The following PITPNM1 variants were observed in gnomAD, a reference collection of about 807,000 sequenced individuals.
PITPNM1 encodes the protein membrane-associated phosphatidylinositol transfer protein 1.
PITPNM1 carries 74 observed loss-of-function variants against 133.3 expected under a neutral mutation model. The ratio of observed to expected loss-of-function variants is 0.56; its 90% CI spans 0.46 to 0.67. The LOEUF (loss-of-function observed/expected upper bound fraction) is 0.67, where lower values mean the gene tolerates loss of function less well. PITPNM1 is among the 30% of genes least tolerant of loss of function. The pLI, the probability that PITPNM1 is intolerant of heterozygous loss-of-function variation, is 0.00. For synonymous variants in PITPNM1, 738 were observed against 741.4 expected (o/e 1.00, Z 0.08); for missense variants, 1,398 against 1,739.5 (o/e 0.80, Z 3.49).
rs1319119344 is a variant in PITPNM1 at position 67,500,526 on chromosome 11, C to T, written c.641-105G>A. The T allele has an allele frequency of 9.6e-6, 11 of 1,144,296 alleles. No individual in the cohort carries two copies. In the Admixed American group the frequency reaches 1.4e-4, roughly 15 times the overall value. 70.9% of individuals were successfully genotyped at this position (1,144,296 alleles called of 1,614,324 possible). ...GATAATGGCTCCCCTGGGGACACCA[C>T]CCACCCAGAGCCACAAAGTAGGGCA... On this transcript the variant is annotated intron_variant, in intron 5 of 23. Coordinates refer to ENST00000356404, the MANE Select transcript of PITPNM1 (RefSeq NM_004910.3).
chr11:67,505,710 G>C (rs2134345192), upstream of PITPNM1, among the ~76,000 whole-genome samples: 1 of 152,314 alleles, frequency 6.6e-6, no homozygotes, highest in East Asian at 1.9e-4. The surrounding 1 kb of genome is among the most constrained non-coding windows in gnomAD (Gnocchi z 5.8). Flanking sequence ...TGGGACCCAG[G>C]GTTGAGGAAA....
Position 67,504,898 on chromosome 11 carries a change from C to A in PITPNM1, c.-42+290G>T, listed in dbSNP as rs992409208. 3.1e-4 allele frequency: 48 copies of A among 153,030 alleles called. No homozygotes were observed. Among genetic ancestry groups the A allele is most frequent in the Non-Finnish European group, 5.4e-4 (37 of 68,720 alleles). 9.5% of individuals were successfully genotyped at this position (153,030 alleles called of 1,614,324 possible). On this transcript the variant is annotated intron_variant, in intron 1 of 23. Transcript: ENST00000356404. The surrounding 1 kb of genome is among the most constrained non-coding windows in gnomAD (Gnocchi z 5.4). ...TCCTTCCTGGACCCCTGGCCCTCGCCGGCTCTCCACGCGCCTAGGCAGCCA... is the reference window on the plus strand; with the variant it reads ...TCCTTCCTGGACCCCTGGCCCTCGCAGGCTCTCCACGCGCCTAGGCAGCCA...
intron 6 of PITPNM1, 32 bp from the exon 7 acceptor site, chr11:67,500,041 C>A: frequency 1.2e-6 from 2 of 1,608,782 alleles, no homozygotes; most frequent in Non-Finnish European, 1.7e-6. Context: ...AGCCTCAGCC[C>A]AGGAGCCCAG....
At chr11:67,494,813 AGTGGGC>A (rs1294129367) in intron 18 of PITPNM1, 27 bp downstream of exon 18, 1 of 1,407,832 alleles carries the variant, frequency 7.1e-7, no homozygotes, top group Non-Finnish European at 1.0e-6. Flanking sequence ...AGAGTGGGCG[AGTGGGC>A]GAGGGGGCGA....
At chr11:67,492,854 A>T in intron 23 of PITPNM1, 80 bp downstream of exon 23, 5 of 1,512,000 alleles carry the variant, frequency 3.3e-6, no homozygotes, top group Non-Finnish European at 4.5e-6. Flanking sequence ...TCTTCCCCAG[A>T]GTCCGTGGTT....
In PITPNM1 at chr11:67,497,510, C is replaced by T. The variant is rs1227645725; in HGVS notation, c.1940+12G>A. 12 of 1,604,272 alleles carry T rather than the reference C, an allele frequency of 7.5e-6. No homozygotes were observed. Among genetic ancestry groups the T allele is most frequent in the Non-Finnish European group, 1.0e-5 (12 of 1,176,222 alleles). On this transcript the variant is annotated intron_variant, in intron 13 of 23. Transcript: ENST00000356404. The stretch of plus-strand genomic sequence containing the variant: ...TGTGCCCAGGGTAGGGGTGATGGGG[C>T]AGGGACGTCACCTGTTCTGAGAGCC...
In PITPNM1 at chr11:67,497,665, G is replaced by C; in HGVS notation, c.1797C>G (p.Leu599=). 1 of 1,610,852 alleles carries C rather than the reference G, an allele frequency of 6.2e-7. No individual in the cohort carries two copies. Among genetic ancestry groups the C allele is most frequent in the East Asian group, 2.2e-5 (1 of 44,884 alleles). The change falls in exon 13 of 24, where the codon CTC becomes CTG. Residue 599 remains leucine (L), a synonymous_variant. Transcript: ENST00000356404. ...SRRGSMNNEL[L]SPEFGPVRDP... ...CCCGCACTGGGCCAAACTCCGGAGA[G>C]AGCAGCTCATTGTTCTGGATGGAAC...
At chr11:67,500,463 T>C in intron 5 of PITPNM1, 42 bp from the exon 6 acceptor site, 1 of 1,560,156 alleles carries the variant, frequency 6.4e-7, no homozygotes, top group Non-Finnish European at 8.7e-7. Context: ...TCCCCCTGCT[T>C]CCCTGCCACC....
chr11:67,503,953 T>A (rs1866411374), intron 2 of PITPNM1, 150 bp downstream of exon 2: 2 of 564,054 alleles, frequency 3.5e-6, no homozygotes, highest in African/African-American at 3.9e-5. Context: ...CTCCTGCCCC[T>A]CTTCCCACAG....
At chr11:67,493,893 C>A in intron 20 of PITPNM1, 29 bp downstream of exon 20, 1 of 1,527,936 alleles carries the variant, frequency 6.5e-7, no homozygotes, top group Non-Finnish European at 8.8e-7. Context: ...GCGGAGCCCT[C>A]CCGCAGAGGC....
At chr11:67,503,933 C>T in intron 2 of PITPNM1, 170 bp downstream of exon 2, 1 of 535,246 alleles carries the variant, frequency 1.9e-6, no homozygotes, top group Non-Finnish European at 3.3e-6. Context: ...ATGGGAAGCA[C>T]CACTCGGCCC....
chr11:67,493,387 G>C, intron 22 of PITPNM1, 23 bp downstream of exon 22: 1 of 1,546,622 alleles, frequency 6.5e-7, no homozygotes, highest in Admixed American at 1.9e-5. Context: ...GTCAGGACCC[G>C]GAGCCTCCCC....
chr11:67,495,270 C>G (rs749527626), intron 16 of PITPNM1, 45 bp from the exon 17 acceptor site: 2 of 1,537,808 alleles, frequency 1.3e-6, no homozygotes, highest in Non-Finnish European at 8.8e-7. Context: ...CTGCCCCACA[C>G]CCATCTGCCT....
rs2134260423 is a variant in PITPNM1 at position 67,491,794 on chromosome 11, T to TG, written c.*238dup. ...GGGGTGCAGGTGGCGTTTATTTTCATGGATTTATACACACTGGAAAAGCCT... is the reference window on the plus strand; with the variant it reads ...GGGGTGCAGGTGGCGTTTATTTTCATGGGATTTATACACACTGGAAAAGCCT... On this transcript the variant is annotated 3_prime_UTR_variant, in exon 24 of 24. Coordinates refer to ENST00000356404, the MANE Select transcript of PITPNM1 (RefSeq NM_004910.3). 1.9e-6 allele frequency: 1 copy of TG among 516,330 alleles called. No homozygotes were observed. The highest frequency in any genetic ancestry group is 3.3e-5 in the East Asian group (1 of 30,720). 32.0% of individuals were successfully genotyped at this position (516,330 alleles called of 1,614,324 possible). A position where few individuals can be genotyped will look rare whatever the true frequency, so the allele number is the denominator to read the frequency against.
chr11:67,502,402 G>A lies in PITPNM1; in HGVS notation c.305C>T (p.Pro102Leu). The change falls in exon 4 of 24, where the codon CCT becomes CTT. Residue 102 changes from proline to leucine, a missense_variant. By Grantham distance (98) the Pro-to-Leu change is moderately conservative (BLOSUM62 -3). Coordinates refer to ENST00000356404, the MANE Select transcript of PITPNM1 (RefSeq NM_004910.3). This position sits in a 1 kb window ranked among gnomAD's most constrained non-coding sequence, Gnocchi z 5.9. ...TTCAATGGAGAATTTCTCCACGAAA[G>A]GGCAGGTGTACCTGGGCAGAAGGCA... The part of the protein sequence containing the change: ...YPYTRTRYTC[P>L]FVEKFSIEIE... The A allele has an allele frequency of 6.2e-7, 1 of 1,613,948 alleles. No homozygotes were observed. Among genetic ancestry groups the A allele is most frequent in the South Asian group, 1.1e-5 (1 of 91,090 alleles).
rs1167090863 is a variant in PITPNM1, at chr11:67,499,929, A to T, written c.1048T>A (p.Phe350Ile). The change falls in exon 7 of 24, where the codon TTC (phenylalanine) becomes ATC (isoleucine). Residue 350 changes from phenylalanine (F) to isoleucine (I), a missense_variant. By Grantham distance (21) the Phe-to-Ile change is conservative. Transcript: ENST00000356404. ...RDSENSSEEE[F>I]FDAHEGFSDS... ...CAGTGCTGACCGTGGGCATCAAAGA[A>T]CTCTTCCTCGGAGCTGTTCTCAGAG... 1 of 1,611,464 alleles carries T rather than the reference A, an allele frequency of 6.2e-7. No homozygotes were observed. Among genetic ancestry groups the T allele is most frequent in the Non-Finnish European group, 8.5e-7 (1 of 1,179,344 alleles).
chr11:67,501,924 C>A lies in PITPNM1; in HGVS notation c.578G>T (p.Cys193Phe). 6.2e-7 allele frequency: 1 copy of A among 1,613,590 alleles called. No individual in the cohort carries two copies. The highest frequency in any genetic ancestry group is 8.5e-7 in the Non-Finnish European group (1 of 1,180,006). ...GCCCCAGTAGCGGAACTCAACCTTG[C>A]ACAGCTTATAGGCACACATAAGGGG... The part of the protein sequence containing the change: ...TGPLMCAYKL[C>F]KVEFRYWGMQ... The change falls in exon 5 of 24, where the codon TGC becomes TTC. Residue 193 changes from cysteine (C) to phenylalanine (F), a missense_variant. By Grantham distance (205) the Cys-to-Phe change is radical. This residue lies in a region of PITPNM1 where 274 missense variants were observed against 360.7 expected (regional missense o/e 0.76). Coordinates refer to ENST00000356404, the MANE Select transcript of PITPNM1 (RefSeq NM_004910.3).
intron 23 of PITPNM1, 138 bp downstream of exon 23, chr11:67,492,796 T>G (rs1419096079): frequency 8.9e-7 from 1 of 1,121,898 alleles, no homozygotes; most frequent in Admixed American, 2.8e-5. Flanking sequence ...ATGGCCCTTG[T>G]CCTCGGAGGA....
rs1227974110 is a variant in PITPNM1, at chr11:67,504,222, C to T, written c.-41-1G>A. On this transcript the variant is annotated splice_acceptor_variant, in intron 1 of 23. Coordinates refer to ENST00000356404, the MANE Select transcript of PITPNM1 (RefSeq NM_004910.3). LOFTEE classifies it low-confidence loss of function (5UTR_SPLICE). The surrounding 1 kb of genome is among the most constrained non-coding windows in gnomAD (Gnocchi z 5.4). Reference sequence around the variant, plus strand: ...GGGCCGCGCGCGGCCTCCGCTCCTCCTGGCGCAGGGCACGGCGCGACAGTC... The same window carrying T: ...GGGCCGCGCGCGGCCTCCGCTCCTCTTGGCGCAGGGCACGGCGCGACAGTC... The T allele has an allele frequency of 1.3e-6, 2 of 1,488,108 alleles. No homozygotes were observed. The highest frequency in any genetic ancestry group is 1.4e-5 in the African/African-American group (1 of 71,922). The allele number at this position is 1,488,108 out of a possible 1,614,324, so 92.2% of individuals were successfully genotyped here.
Sources: gnomAD v4.1 joint callset for allele counts (sites outside exome capture counted in the v4.1 genomes callset) on GRCh38, gnomAD v4.1.1 for gene constraint, gnomAD v4.1.1 regional missense constraint, Gnocchi (gnomAD v3.1) non-coding constraint, MANE v1.5 for transcripts, NCBI Gene and HGNC (gene_info 2026-07-23, HGNC 2026-07-21) for gene names.